The following ARPIN variants were observed in gnomAD, a reference collection of about 807,000 sequenced individuals.
ARPIN encodes UPF0552 protein C15orf38.
ARPIN carries 23 observed loss-of-function variants against 25.9 expected under a neutral mutation model. That is an observed-to-expected ratio of 0.89 (90% CI 0.64 to 1.26). ARPIN has a LOEUF of 1.26. Among genes scored for constraint, ARPIN ranks in the 50% most tolerant of loss-of-function variants. ARPIN has a pLI of 0.00. For synonymous variants in ARPIN, 126 were observed against 131.4 expected, an observed-to-expected ratio of 0.96 and a Z score of 0.28; for missense variants, 333 against 312.2, an observed-to-expected ratio of 1.07 and a Z score of -0.50.
chr15:89,905,776 A>ACCTCCTGGGCCCACTTCTTTTCT (rs1897109611), intron 3 of ARPIN, among the ~76,000 whole-genome samples: 2 of 147,748 alleles, frequency 1.4e-5, no homozygotes, highest in Admixed American at 1.3e-4. Context: ...TCCCAAGACA[A>ACCTCCTGGGCCCACTTCTTTTCT]CCTCCTGGGC....
chr15:89,908,244 G>A, intron 3 of ARPIN, 36 bp downstream of exon 3: 1 of 1,612,994 alleles, frequency 6.2e-7, no homozygotes, highest in South Asian at 1.1e-5. Flanking sequence ...CTGCAGGAGG[G>A]CCCTGAGGGA....
rs1206643811 is a variant in ARPIN, at chr15:89,900,948, CTG to C, written c.*845_*846del. 6.6e-6 allele frequency: 1 copy of C among 152,230 alleles called. No individual in the cohort carries two copies. Among genetic ancestry groups the C allele is most frequent in the African/African-American group, 2.4e-5 (1 of 41,438 alleles). 9.4% of individuals were successfully genotyped at this position (152,230 alleles called of 1,614,324 possible). ...AACAACAAAAAAGGTATTCTCAAAA[CTG>C]TAGCCTGGCAGAGTGAGTCTGAGAG... On this transcript the variant is annotated 3_prime_UTR_variant, in exon 6 of 6. Transcript: ENST00000357484.
At position 89,912,772 on chromosome 15, in the gene ARPIN, C is replaced by A; in HGVS notation, c.64G>T (p.Gly22Trp). 6.6e-7 allele frequency: 1 copy of A among 1,506,346 alleles called. No individual in the cohort carries two copies. Among genetic ancestry groups the A allele is most frequent in the East Asian group, 2.8e-5 (1 of 35,852 alleles). The allele number at this position is 1,506,346 out of a possible 1,614,324, so 93.3% of individuals were successfully genotyped here. Residue 22 changes from glycine (G) to tryptophan (W), a missense_variant, in exon 1 of 6, where the codon GGG (glycine) becomes TGG (tryptophan). Physicochemically the swap from Gly to Trp is radical, Grantham distance 184. Transcript: ENST00000357484. ...TGGTGGGCGGCGGGGTCCCAGGCCC[C>A]TGGCAGCCGGACGCTCTGCACCGCC... ...NKAVQSVRLP[G>W]AWDPAAHQGG...
rs1896984094 is a variant in ARPIN at position 89,899,487 on chromosome 15, C to G, written c.*2308G>C. The G allele has an allele frequency of 6.6e-6, 1 of 152,268 alleles. No individual in the cohort carries two copies. Among genetic ancestry groups the G allele is most frequent in the Non-Finnish European group, 1.5e-5 (1 of 68,098 alleles). 9.4% of individuals were successfully genotyped at this position (152,268 alleles called of 1,614,324 possible). ...AGCCACAGGCTGGGCTCCTGCTAAA[C>G]AGCAGGTCACCCGGAAACATAACAT... On this transcript the variant is annotated 3_prime_UTR_variant, in exon 6 of 6. Transcript: ENST00000357484.
At chr15:89,909,490 T>A (rs1437851401) in intron 2 of ARPIN, among the ~76,000 whole-genome samples, 1 of 152,192 alleles carries the variant, frequency 6.6e-6, no homozygotes, top group African/African-American at 2.4e-5. Flanking sequence ...CCTGGAGGCC[T>A]TCTGGGAGCC....
intron 3 of ARPIN, among the ~76,000 whole-genome samples, chr15:89,907,885 T>C (rs185947504): frequency 7.6e-4 from 116 of 152,278 alleles, no homozygotes; most frequent in Admixed American, 7.5e-3. Context: ...TCACCCAGCC[T>C]AAGGTATTTT....
intron 2 of ARPIN, 40 bp downstream of exon 2, chr15:89,910,704 A>G: frequency 6.2e-7 from 1 of 1,613,202 alleles, no homozygotes; most frequent in Non-Finnish European, 8.5e-7. Context: ...ATGACCGTGA[A>G]GTCAGTGCCC....
intron 2 of ARPIN, 92 bp downstream of exon 2, chr15:89,910,652 G>A: frequency 1.3e-6 from 2 of 1,513,946 alleles, no homozygotes; most frequent in Non-Finnish European, 9.1e-7. Context: ...CCCAACTCAT[G>A]GCACTGGAAG....
chr15:89,911,867 C>T (rs1005141242), intron 1 of ARPIN, among the ~76,000 whole-genome samples: 2 of 152,178 alleles, frequency 1.3e-5, no homozygotes, highest in Non-Finnish European at 2.9e-5. Context: ...TGCTCCATCG[C>T]CCAGGATGGA....
chr15:89,906,412 C>T (rs1897120917), intron 3 of ARPIN, among the ~76,000 whole-genome samples: 1 of 152,148 alleles, frequency 6.6e-6, no homozygotes, highest in Non-Finnish European at 1.5e-5. Flanking sequence ...CTCTGAAACA[C>T]CCTGCAAATC....
intron 3 of ARPIN, among the ~76,000 whole-genome samples, chr15:89,905,817 T>A (rs566688512): frequency 8.0e-4 from 122 of 152,118 alleles, no homozygotes; most frequent in African/African-American, 2.9e-3. Context: ...GGTAACTGGG[T>A]CCACTTCCAT....
intron 1 of ARPIN, chr15:89,912,440 T>G: frequency 8.3e-7 from 1 of 1,198,886 alleles, no homozygotes; most frequent in South Asian, 2.9e-5. Context: ...GCGGGTGGGG[T>G]GGGGCCGGAG....
At chr15:89,907,944 G>A (rs1261647630) in intron 3 of ARPIN, among the ~76,000 whole-genome samples, 1 of 152,250 alleles carries the variant, frequency 6.6e-6, no homozygotes, top group Non-Finnish European at 1.5e-5. Context: ...AGAGGATTTG[G>A]GCAGTAAAAC....
rs1896911042 is a variant in ARPIN, at chr15:89,895,223, T to G, written c.*6572A>C. On this transcript the variant is annotated 3_prime_UTR_variant, in exon 6 of 6. Coordinates refer to ENST00000357484, the MANE Select transcript of ARPIN (RefSeq NM_182616.4). ...TGTTCTACATTGAATATGAGAAATA[T>G]TAAATAGATAATAAAAATCATGCTG... The G allele has an allele frequency of 6.6e-6, 1 of 152,106 alleles. No homozygotes were observed. The highest frequency in any genetic ancestry group is 6.6e-5 in the Admixed American group (1 of 15,254). The allele number at this position is 152,106 out of a possible 1,614,324, so 9.4% of individuals were successfully genotyped here.
At position 89,908,280 on chromosome 15, in the gene ARPIN, T is replaced by C. The variant is rs561539988; in HGVS notation, c.301A>G (p.Lys101Glu). The stretch of plus-strand genomic sequence containing the variant: ...GAGAGGGAGGGCAGAGGATACCTAC[T>C]GTAGGACGACATGAGGAAGCCCGTG... ...VNTGFLMSSY[K>E]VEAKGDTDRL... Residue 101 changes from lysine (K) to glutamate (E), a missense_variant and splice_region_variant, in exon 3 of 6, where the codon AAG becomes GAG. Lys to Glu is a moderately conservative substitution (Grantham distance 56). Transcript: ENST00000357484. The C allele has an allele frequency of 6.8e-6, 11 of 1,614,088 alleles. No homozygotes were observed. Among genetic ancestry groups the C allele is most frequent in the African/African-American group, 1.3e-5 (1 of 75,034 alleles).
rs774002777 is a variant in ARPIN, at chr15:89,899,083, C to CTT, written c.*2710_*2711dup. ...TACCTGCTGAGCCTGGGACCCTATT[C>CTT]TTTTTTTTTTTTTTTTTTTTGAGAC... On this transcript the variant is annotated 3_prime_UTR_variant, in exon 6 of 6. Coordinates refer to ENST00000357484, the MANE Select transcript of ARPIN (RefSeq NM_182616.4). The CTT allele has an allele frequency of 0.026, 3,111 of 119,328 alleles. 117 individuals carry two copies. Among genetic ancestry groups the CTT allele is most frequent in the African/African-American group, 0.052 (1,608 of 30,838 alleles). The allele number at this position is 119,328 out of a possible 1,614,324, so 7.4% of individuals were successfully genotyped here.
chr15:89,899,705 C>T lies in ARPIN; in HGVS notation c.*2090G>A, dbSNP rs1896988307. On this transcript the variant is annotated 3_prime_UTR_variant, in exon 6 of 6. Coordinates refer to ENST00000357484, the MANE Select transcript of ARPIN (RefSeq NM_182616.4). ...TCACCCAGGCAACTGCAGCAGTCTC[C>T]TAAAGGAGCAACTCGCCTCCAGCTG... The T allele has an allele frequency of 6.6e-6, 1 of 152,518 alleles. No individual in the cohort carries two copies. Among genetic ancestry groups the T allele is most frequent in the African/African-American group, 2.4e-5 (1 of 41,430 alleles). The allele number at this position is 152,518 out of a possible 1,614,324, so 9.4% of individuals were successfully genotyped here. A position where few individuals can be genotyped will look rare whatever the true frequency, so the allele number is the denominator to read the frequency against.
At chr15:89,906,372 C>T (rs1464878381) in intron 3 of ARPIN, among the ~76,000 whole-genome samples, 1 of 152,156 alleles carries the variant, frequency 6.6e-6, no homozygotes, top group African/African-American at 2.4e-5. Context: ...AGGAACTCTT[C>T]AACTGCCAGG....
At chr15:89,906,610 C>G (rs116966789) in intron 3 of ARPIN, among the ~76,000 whole-genome samples, 1 of 152,248 alleles carries the variant, frequency 6.6e-6, no homozygotes, top group East Asian at 1.9e-4. Flanking sequence ...ATCCCTGGAC[C>G]TCTCAGCATG....
Sources: allele counts gnomAD v4.1 joint callset (sites outside exome capture counted in the v4.1 genomes callset), GRCh38; gene constraint gnomAD v4.1.1; transcripts MANE v1.5; gene names NCBI Gene and HGNC (gene_info 2026-07-23, HGNC 2026-07-21).